WT1: variants seen among roughly 807,000 people sequenced by gnomAD.
WT1 encodes Wilms tumor protein.
Under a neutral mutation model 60.8 loss-of-function variants are expected in WT1, and 8 were observed. That is an observed-to-expected ratio of 0.13 (90% CI 0.08 to 0.24). The LOEUF (loss-of-function observed/expected upper bound fraction) is 0.24. Ranked by LOEUF, WT1 falls within the 10% of genes least tolerant of loss-of-function variation. The pLI is 1.00. For missense variants in WT1, 568 were observed against 711.8 expected, an observed-to-expected ratio of 0.80 and a Z score of 2.30; for synonymous variants, 312 against 297.1, an observed-to-expected ratio of 1.05 and a Z score of -0.52.
chr11:32,402,970 C>T (rs1023599746), intron 5 of WT1, among the ~76,000 whole-genome samples: 1 of 152,138 alleles, frequency 6.6e-6, no homozygotes, highest in Non-Finnish European at 1.5e-5. Context: ...TAGCTGGGTT[C>T]CTGGAGGGTG....
At chr11:32,406,154 A>G (rs1852302672) in intron 5 of WT1, among the ~76,000 whole-genome samples, 1 of 152,162 alleles carries the variant, frequency 6.6e-6, no homozygotes, top group African/African-American at 2.4e-5. Context: ...AGTTTTGCAT[A>G]AAGCAGTGGT....
intron 9 of WT1, 152 bp downstream of exon 9, chr11:32,391,820 A>T (rs1851825534): frequency 1.4e-6 from 1 of 710,804 alleles, no homozygotes; most frequent in Non-Finnish European, 2.4e-6. Context: ...ATTATTTATT[A>T]TTTAAAGATA....
chr11:32,406,381 G>A (rs894579070), intron 5 of WT1, among the ~76,000 whole-genome samples: 2 of 152,088 alleles, frequency 1.3e-5, no homozygotes, highest in African/African-American at 4.8e-5. Flanking sequence ...TGTCGCCACT[G>A]ATCTGACAGA....
intron 3 of WT1, among the ~76,000 whole-genome samples, chr11:32,418,185 C>G (rs922016777): frequency 1.3e-5 from 2 of 149,408 alleles, no homozygotes; most frequent in South Asian, 2.1e-4. Context: ...ATGATAAACT[C>G]TATGCACAGC....
chr11:32,426,516 T>G (rs1397638837), intron 3 of WT1, among the ~76,000 whole-genome samples: 1 of 152,124 alleles, frequency 6.6e-6, no homozygotes, highest in Non-Finnish European at 1.5e-5. Flanking sequence ...TGGGGCAGCA[T>G]GCCGCGCCTG....
rs746429178 is a variant in WT1, at chr11:32,430,271, C to T, written c.662-1652G>A. Among the ~76,000 whole-genome samples the T allele has an allele frequency of 2.0e-5, 3 of 152,196 alleles. No individual in the cohort carries two copies. In the South Asian group the frequency reaches 6.2e-4, roughly 32 times the overall value. ...TCCTGCATGGGCGAGCACGTTTGGG[C>T]TTCCACAGACTTCCTTTTGAAACCT... On this transcript the variant is annotated intron_variant, in intron 1 of 9. Transcript: ENST00000452863.
chr11:32,432,994 G>T (rs1290015090), intron 1 of WT1, among the ~76,000 whole-genome samples: 1 of 152,202 alleles, frequency 6.6e-6, no homozygotes, highest in East Asian at 1.9e-4. Context: ...TAGATGGGTT[G>T]CCGAGTTCCA....
chr11:32,434,745 A>G lies in WT1; in HGVS notation c.616T>C (p.Tyr206His). 6.2e-7 allele frequency: 1 copy of G among 1,612,924 alleles called. No homozygotes were observed. ...TGGCTCTCGAGGCAGCTGGGCAGGT[A>G]GGGCGCGTTAGGAAACATCCTGGCC... Residue 206 changes from tyrosine to histidine, a missense_variant, in exon 1 of 10, where the codon TAC (tyrosine) becomes CAC (histidine). Coordinates refer to ENST00000452863, the MANE Select transcript of WT1 (RefSeq NM_024426.6).
At chr11:32,401,509 G>T (rs1021081211) in intron 5 of WT1, among the ~76,000 whole-genome samples, 2 of 151,826 alleles carry the variant, frequency 1.3e-5, no homozygotes, top group East Asian at 1.9e-4. Flanking sequence ...AATTATCGGG[G>T]GGGGGTGTGG....
chr11:32,401,393 T>C (rs2132965664), intron 5 of WT1, among the ~76,000 whole-genome samples: 1 of 152,220 alleles, frequency 6.6e-6, no homozygotes, highest in East Asian at 1.9e-4. Context: ...CGTCCTAAAA[T>C]TGTGGTAATG....
Position 32,434,671 on chromosome 11 carries a change from G to C in WT1, c.661+29C>G, listed in dbSNP as rs375855031. 22 of 1,612,256 alleles carry C rather than the reference G, an allele frequency of 1.4e-5. No individual in the cohort carries two copies. In the African/African-American group the frequency reaches 2.8e-4, roughly 21 times the overall value. ...AGAGTCCCTGGCGCCACTGCCCCGCGCGTAGGGGGCGCTCCCCGGCCTACT... is the reference window on the plus strand; with the variant it reads ...AGAGTCCCTGGCGCCACTGCCCCGCCCGTAGGGGGCGCTCCCCGGCCTACT... On this transcript the variant is annotated intron_variant, in intron 1 of 9. Transcript: ENST00000452863.
At chr11:32,433,404 G>A (rs1330222661) in intron 1 of WT1, among the ~76,000 whole-genome samples, 4 of 152,206 alleles carry the variant, frequency 2.6e-5, no homozygotes, top group Non-Finnish European at 5.9e-5. Flanking sequence ...AGGTAGGAGC[G>A]GCCTGAAGAC....
chr11:32,408,612 A>G (rs984974015), intron 5 of WT1, among the ~76,000 whole-genome samples: 1 of 151,710 alleles, frequency 6.6e-6, no homozygotes, highest in African/African-American at 2.4e-5. Context: ...AGAGAGGAAG[A>G]AAGAGAAAGA....
Position 32,414,602 on chromosome 11 carries a change from G to A in WT1, c.1016+1888C>T, listed in dbSNP as rs115733467. ...GAAATACATTTTTAGTCAGGGCGCA[G>A]CAGCTCATACCTGTAATCTCAGCAC... is the stretch of plus-strand genomic sequence containing the variant. On this transcript the variant is annotated intron_variant, in intron 5 of 9. Coordinates refer to ENST00000452863, the MANE Select transcript of WT1 (RefSeq NM_024426.6). Among the ~76,000 whole-genome samples, 1,521 of 152,310 alleles carry A rather than the reference G, an allele frequency of 1.0e-2. 25 individuals are homozygous for A. The highest frequency in any genetic ancestry group is 0.034 in the African/African-American group (1,434 of 41,574).
intron 3 of WT1, among the ~76,000 whole-genome samples, chr11:32,418,261 A>G (rs1852743912): frequency 6.8e-6 from 1 of 146,334 alleles, no homozygotes; most frequent in Admixed American, 6.8e-5. Flanking sequence ...AAAAAAAAAG[A>G]GCCCAGTTCT....
intron 5 of WT1, among the ~76,000 whole-genome samples, chr11:32,403,601 G>C: frequency 7.1e-6 from 1 of 141,596 alleles, no homozygotes; most frequent in East Asian, 2.1e-4. Flanking sequence ...TTGAGACAGA[G>C]TCTGGCTCTG....
Position 32,431,046 on chromosome 11 carries a change from C to G in WT1, c.662-2427G>C, listed in dbSNP as rs1853291022. On this transcript the variant is annotated intron_variant, in intron 1 of 9. Transcript: ENST00000452863. ...GTAGCGCCTTTCCCACGGTTAGTCC[C>G]GGCCCGGGAGGGGAGCGCAACCTTG... Among the ~76,000 whole-genome samples, 2 of 152,132 alleles carry G rather than the reference C, an allele frequency of 1.3e-5. 1 individual carries two copies. The highest frequency in any genetic ancestry group is 3.9e-4 in the East Asian group (2 of 5,156).
chr11:32,429,906 C>T (rs1853213027), intron 1 of WT1, among the ~76,000 whole-genome samples: 1 of 150,860 alleles, frequency 6.6e-6, no homozygotes, highest in Admixed American at 6.7e-5. Flanking sequence ...TGAGCAGGAC[C>T]CAGGGCATCG....
chr11:32,388,808 C>T lies in WT1; in HGVS notation c.*250G>A. 1.7e-6 allele frequency: 1 copy of T among 602,550 alleles called. No homozygotes were observed. The highest frequency in any genetic ancestry group is 2.0e-5 in the South Asian group (1 of 49,348). The allele number at this position is 602,550 out of a possible 1,614,324, so 37.3% of individuals were successfully genotyped here. A position where few individuals can be genotyped will look rare whatever the true frequency, so the allele number is the denominator to read the frequency against. On this transcript the variant is annotated 3_prime_UTR_variant, in exon 10 of 10. Transcript: ENST00000452863. ...AAAATCCACACCAAATGGCAATGGG[C>T]TTTTAACTAACCAGACATTGTTAGC...
Sources: gnomAD v4.1 joint callset for allele counts (sites outside exome capture counted in the v4.1 genomes callset) on GRCh38, gnomAD v4.1.1 for gene constraint, MANE v1.5 for transcripts, NCBI Gene and HGNC (gene_info 2026-07-23, HGNC 2026-07-21) for gene names.